The following PNPLA8 variants were observed in gnomAD, a reference collection of about 807,000 sequenced individuals.
PNPLA8 encodes the protein patatin like domain 8, phospholipase A2.
In PNPLA8, 39 loss-of-function variants were observed where a neutral mutation model predicts 76.9. That is an observed-to-expected ratio of 0.51 (90% CI 0.39 to 0.66). The LOEUF (loss-of-function observed/expected upper bound fraction) is 0.66, where lower values mean the gene tolerates loss of function less well. PNPLA8 is among the 30% of genes least tolerant of loss of function. The pLI, the probability that PNPLA8 is intolerant of heterozygous loss-of-function variation, is 0.00. For synonymous variants in PNPLA8, 301 were observed against 307.9 expected (o/e 0.98, Z 0.24); for missense variants, 887 against 918.0 (o/e 0.97, Z 0.44).
chr7:108,510,788 A>C (rs1452477347), intron 4 of PNPLA8: 2 of 1,601,156 alleles, frequency 1.2e-6, no homozygotes, highest in Non-Finnish European at 1.7e-6. Context: ...CATCATCTGC[A>C]TGGAGGATCT....
In PNPLA8 at chr7:108,474,386, A is replaced by G. The variant is rs184876766; in HGVS notation, c.2075-1711T>C. ...AGCATTGTACTGGAGGGTCCTTTTC[A>G]GTGCCGTAAAGCATTAAAAGGAAAT... On this transcript the variant is annotated intron_variant, in intron 10 of 10. Transcript: ENST00000257694. 2.2e-4 allele frequency among the ~76,000 whole-genome samples: 33 copies of G among 152,296 alleles called. 1 individual carries two copies. The highest frequency in any genetic ancestry group is 7.2e-4 in the African/African-American group (30 of 41,552).
At chr7:108,526,918 A>G (rs560077674), upstream of PNPLA8, among the ~76,000 whole-genome samples, 3 of 152,372 alleles carry the variant, frequency 2.0e-5, no homozygotes, top group Admixed American at 6.5e-5. Flanking sequence ...GATGACAATT[A>G]TATGACATTC....
intron 7 of PNPLA8, among the ~76,000 whole-genome samples, chr7:108,494,555 T>G (rs951779481): frequency 6.6e-6 from 1 of 152,254 alleles, no homozygotes; most frequent in Non-Finnish European, 1.5e-5. Flanking sequence ...TTTTTATAAC[T>G]GCATAGTATT....
At chr7:108,501,953 AAAATC>A (rs1177613571) in intron 5 of PNPLA8, among the ~76,000 whole-genome samples, 1 of 152,210 alleles carries the variant, frequency 6.6e-6, no homozygotes, top group African/African-American at 2.4e-5. Flanking sequence ...TATAAATACT[AAAATC>A]AAATCAAATC....
chr7:108,475,798 T>C (rs1454942349), intron 10 of PNPLA8, among the ~76,000 whole-genome samples: 2 of 152,184 alleles, frequency 1.3e-5, no homozygotes, highest in Non-Finnish European at 2.9e-5. Flanking sequence ...GATGACCTCA[T>C]TCATTCTCCT....
At chr7:108,513,549 ATAATCT>A (rs1418740818) in intron 4 of PNPLA8, among the ~76,000 whole-genome samples, 5 of 152,076 alleles carry the variant, frequency 3.3e-5, no homozygotes, top group Non-Finnish European at 7.4e-5. Context: ...AATATTACAA[ATAATCT>A]TAATAATATA....
At position 108,515,070 on chromosome 7, in the gene PNPLA8, T is replaced by C. The variant is rs144091617; in HGVS notation, c.422A>G (p.Asp141Gly). The change falls in exon 3 of 11, where the codon GAT becomes GGT. Residue 141 changes from aspartate (D) to glycine (G), a missense_variant. By Grantham distance (94) the Asp-to-Gly change is moderately conservative. Transcript: ENST00000257694. ...GTTTTTCTGTTTTAACCAGCCACTATCCGATACTTTTCTTAAAATTTGGGA... is the reference window on the plus strand; with the variant it reads ...GTTTTTCTGTTTTAACCAGCCACTACCCGATACTTTTCTTAAAATTTGGGA... Reference protein sequence around the residue: ...PSSQILRKVSDSGWLKQKNIK... With the variant: ...PSSQILRKVSGSGWLKQKNIK... The C allele has an allele frequency of 5.6e-6, 9 of 1,604,690 alleles. No individual in the cohort carries two copies. Among genetic ancestry groups the C allele is most frequent in the Non-Finnish European group, 6.8e-6 (8 of 1,178,550 alleles).
chr7:108,511,406 T>C (rs978344006), intron 4 of PNPLA8, among the ~76,000 whole-genome samples: 11 of 152,208 alleles, frequency 7.2e-5, no homozygotes, highest in Non-Finnish European at 1.5e-4. Context: ...CTTGATATGA[T>C]GCATTATGAG....
Position 108,487,923 on chromosome 7 carries a change from C to T in PNPLA8, c.1714G>A (p.Gly572Arg), listed in dbSNP as rs1168347052. 1.9e-6 allele frequency: 3 copies of T among 1,612,312 alleles called. No individual in the cohort carries two copies. Among genetic ancestry groups the T allele is most frequent in the Non-Finnish European group, 1.7e-6 (2 of 1,178,618 alleles). ...VAAVSTIVNRGITPKAFVFRN... is the reference protein window; with the variant it reads ...VAAVSTIVNRRITPKAFVFRN... The stretch of plus-strand genomic sequence containing the variant: ...AACACAAAAGCTTTGGGTGTTATCC[C>T]TCTATTTACTATGGTACTTACAGCA... Residue 572 changes from glycine to arginine, a missense_variant, in exon 9 of 11, where the codon GGG becomes AGG. Physicochemically the swap from Gly to Arg is moderately radical, Grantham distance 125 (BLOSUM62 -2). Coordinates refer to ENST00000257694, the MANE Select transcript of PNPLA8 (RefSeq NM_001256007.3).
intron 9 of PNPLA8, 123 bp from the exon 10 acceptor site, chr7:108,479,502 A>G (rs1428867837): frequency 1.5e-6 from 1 of 672,432 alleles, no homozygotes; most frequent in African/African-American, 1.8e-5. Context: ...TTTCTTTTAT[A>G]GACTACAGCT....
At chr7:108,484,952 G>T (rs1188181800) in intron 9 of PNPLA8, among the ~76,000 whole-genome samples, 3 of 152,086 alleles carry the variant, frequency 2.0e-5, no homozygotes, top group Non-Finnish European at 4.4e-5. Flanking sequence ...GGCATAATTT[G>T]GCAGGTGTTG....
chr7:108,486,304 A>G (rs1489501350), intron 9 of PNPLA8, among the ~76,000 whole-genome samples: 1 of 152,114 alleles, frequency 6.6e-6, no homozygotes, highest in Non-Finnish European at 1.5e-5. Context: ...AAATTCTATT[A>G]TATTTTACAT....
Position 108,472,480 on chromosome 7 carries a change from G to GT in PNPLA8, c.2269dup (p.Thr757AsnfsTer7). On this transcript the variant is annotated frameshift_variant, in exon 11 of 11. Transcript: ENST00000257694. LOFTEE classifies it high-confidence loss of function. ...CCAATCATTAATTTTCTGCAGAGTT[G>GT]TTTTTTCTTGACTTAATATTTTTGC... 2 of 1,603,536 alleles carry GT rather than the reference G, an allele frequency of 1.2e-6. No homozygotes were observed. Among genetic ancestry groups the GT allele is most frequent in the Non-Finnish European group, 1.7e-6 (2 of 1,173,714 alleles).
At chr7:108,506,880 G>C (rs375160475) in intron 4 of PNPLA8, among the ~76,000 whole-genome samples, 32 of 152,274 alleles carry the variant, frequency 2.1e-4, no homozygotes, top group African/African-American at 7.5e-4. Context: ...TGGTTATATA[G>C]ATGTATTTCA....
At chr7:108,526,968 C>G (rs528980027), upstream of PNPLA8, among the ~76,000 whole-genome samples, 1 of 152,314 alleles carries the variant, frequency 6.6e-6, no homozygotes, top group African/African-American at 2.4e-5. Context: ...TAGAACATAG[C>G]TTTGCATTCC....
At position 108,515,233 on chromosome 7, in the gene PNPLA8, T is replaced by C. The variant is rs765377643; in HGVS notation, c.259A>G (p.Ser87Gly). The change falls in exon 3 of 11, where the codon AGC (serine) becomes GGC (glycine). Residue 87 changes from serine to glycine, a missense_variant. Physicochemically the swap from Ser to Gly is moderately conservative, Grantham distance 56 (BLOSUM62 0). Transcript: ENST00000257694. ...GTAAGTCCCTTGGGAGCAGAAGTGC[T>C]AAGTTTCAAAATCCCAATATGTAAA... ...HGLHIGILKLSTSAPKGLTKV... is the reference protein window; with the variant it reads ...HGLHIGILKLGTSAPKGLTKV... 1.2e-6 allele frequency: 2 copies of C among 1,602,314 alleles called. No individual in the cohort carries two copies. Among genetic ancestry groups the C allele is most frequent in the Admixed American group, 3.4e-5 (2 of 58,314 alleles).
At chr7:108,486,371 G>A (rs750473661) in intron 9 of PNPLA8, among the ~76,000 whole-genome samples, 10 of 151,970 alleles carry the variant, frequency 6.6e-5, no homozygotes, top group East Asian at 1.9e-4. Flanking sequence ...AGGGGAAATC[G>A]TTGTTAAAAA....
At chr7:108,487,660 C>T in intron 9 of PNPLA8, 99 bp downstream of exon 9, 1 of 637,272 alleles carries the variant, frequency 1.6e-6, no homozygotes, top group Admixed American at 3.2e-5. Context: ...AGAAGAAAGT[C>T]TCCTAGGTTG....
chr7:108,477,695 AC>A (rs1269289112), intron 10 of PNPLA8, among the ~76,000 whole-genome samples: 1 of 152,160 alleles, frequency 6.6e-6, no homozygotes, highest in Non-Finnish European at 1.5e-5. Context: ...CCCCATCTCT[AC>A]AAAAAAAGGT....
Sources: allele counts gnomAD v4.1 joint callset (sites outside exome capture counted in the v4.1 genomes callset), GRCh38; gene constraint gnomAD v4.1.1; transcripts MANE v1.5; gene names NCBI Gene and HGNC (gene_info 2026-07-23, HGNC 2026-07-21).